ADGRL3: variants seen among roughly 807,000 people sequenced by gnomAD.
ADGRL3 encodes the protein adhesion G protein-coupled receptor L3.
Under a neutral mutation model 153.5 loss-of-function variants are expected in ADGRL3, and 62 were observed. The observed-to-expected ratio is 0.40, with a 90% CI of 0.33 to 0.50. ADGRL3 has a LOEUF of 0.50. Ranked by LOEUF, ADGRL3 falls within the 20% of genes least tolerant of loss-of-function variation. The probability of loss-of-function intolerance (pLI) is 0.47; values close to 1 mark genes in which losing one functional copy is unlikely to be tolerated. For missense variants in ADGRL3, 1,641 were observed against 1,859.4 expected (o/e 0.88, Z 2.16); for synonymous variants, 710 against 672.5 (o/e 1.06, Z -0.86).
Position 61,200,432 on chromosome 4 carries a change from T to G in ADGRL3, c.-1573T>G, listed in dbSNP as rs1734246757. ...CTGTCTGCGCGTCGCCCCCCTCGCC[T>G]GCTGGCCCGGCACCGCTCGCTCCAG... On this transcript the variant is annotated 5_prime_UTR_variant, in exon 1 of 27. Transcript: ENST00000683033. Among the ~76,000 whole-genome samples the G allele has an allele frequency of 6.6e-6, 1 of 151,812 alleles. No individual in the cohort carries two copies. Among genetic ancestry groups the G allele is most frequent in the East Asian group, 2.0e-4 (1 of 5,030 alleles).
chr4:61,205,165 G>C (rs1473141943), intron 1 of ADGRL3, among the ~76,000 whole-genome samples: 1 of 152,158 alleles, frequency 6.6e-6, no homozygotes, highest in Non-Finnish European at 1.5e-5. Context: ...GAGGATTGAA[G>C]TTAGTCAAAT....
At chr4:61,705,914 A>T (rs951098280) in intron 6 of ADGRL3, among the ~76,000 whole-genome samples, 23 of 152,196 alleles carry the variant, frequency 1.5e-4, no homozygotes, top group African/African-American at 5.1e-4. Context: ...GGGCTTTGAT[A>T]TTCCATTTAT....
In ADGRL3 at chr4:61,259,938, T is replaced by C. The variant is rs975755365; in HGVS notation, c.-240+58173T>C. On this transcript the variant is annotated intron_variant, in intron 1 of 26. Coordinates refer to ENST00000683033, the MANE Select transcript of ADGRL3 (RefSeq NM_001387552.1). ...TCAATTTAGGAAGCATTTGAATAAG[T>C]ACTTGAATCTAACACTACTAGAGGC... 7.9e-5 allele frequency among the ~76,000 whole-genome samples: 12 copies of C among 152,212 alleles called. 1 individual carries two copies. Among genetic ancestry groups the C allele is most frequent in the African/African-American group, 2.9e-4 (12 of 41,460 alleles).
chr4:61,979,737 C>G lies in ADGRL3; in HGVS notation c.2980C>G (p.Leu994Val), dbSNP rs751586286. 9.3e-6 allele frequency: 15 copies of G among 1,613,938 alleles called. No homozygotes were observed. Among genetic ancestry groups the G allele is most frequent in the Non-Finnish European group, 1.3e-5 (15 of 1,179,840 alleles). Residue 994 changes from leucine to valine, a missense_variant, in exon 18 of 27, where the codon CTC (leucine) becomes GTC (valine). Leu to Val is a conservative substitution (Grantham distance 32). Transcript: ENST00000683033. ...LCISLFVAEL[L>V]FLIGINRTDQ... ...CATCAGTCTCTTTGTAGCAGAGCTG[C>G]TCTTCCTGATTGGGATCAACCGAAC... is the stretch of plus-strand genomic sequence containing the variant.
chr4:61,762,853 C>T (rs893122012), intron 8 of ADGRL3, among the ~76,000 whole-genome samples: 1 of 152,066 alleles, frequency 6.6e-6, no homozygotes, highest in African/African-American at 2.4e-5. Context: ...ATAATGTTGT[C>T]TCATTTTCTT....
intron 6 of ADGRL3, among the ~76,000 whole-genome samples, chr4:61,728,231 T>C (rs1256274937): frequency 6.6e-6 from 1 of 152,044 alleles, no homozygotes; most frequent in Non-Finnish European, 1.5e-5. Flanking sequence ...AAGATCATAA[T>C]AATTTTCTCC....
At chr4:61,962,050 G>A (rs771080008) in intron 17 of ADGRL3, among the ~76,000 whole-genome samples, 1 of 151,736 alleles carries the variant, frequency 6.6e-6, no homozygotes, top group East Asian at 1.9e-4. Context: ...TTCAGCCTGG[G>A]CAACACAGTG....
At chr4:61,566,953 A>C (rs2098818857) in intron 4 of ADGRL3, among the ~76,000 whole-genome samples, 1 of 152,200 alleles carries the variant, frequency 6.6e-6, no homozygotes, top group African/African-American at 2.4e-5. Context: ...CTTGGACTCC[A>C]AGCTTTAAGA....
At chr4:61,211,284 C>T (rs901296619) in intron 1 of ADGRL3, among the ~76,000 whole-genome samples, 2 of 152,086 alleles carry the variant, frequency 1.3e-5, no homozygotes, top group Non-Finnish European at 2.9e-5. Flanking sequence ...AATTGGATAC[C>T]TCTAGCCTTC....
chr4:61,346,190 C>G (rs1470735939), intron 1 of ADGRL3, among the ~76,000 whole-genome samples: 1 of 151,792 alleles, frequency 6.6e-6, no homozygotes, highest in Non-Finnish European at 1.5e-5. Context: ...CATTTAAGCC[C>G]AAATGTTCTA....
intron 1 of ADGRL3, among the ~76,000 whole-genome samples, chr4:61,225,710 C>G (rs1374975689): frequency 6.6e-6 from 1 of 152,144 alleles, no homozygotes; most frequent in Non-Finnish European, 1.5e-5. Flanking sequence ...TCTGCTCTTT[C>G]AGTGATATCC....
intron 2 of ADGRL3, among the ~76,000 whole-genome samples, chr4:61,446,455 T>C (rs1471802772): frequency 6.6e-6 from 1 of 152,206 alleles, no homozygotes; most frequent in African/African-American, 2.4e-5. Flanking sequence ...TTTAAGAATG[T>C]ATGGTTCCAA....
At chr4:61,212,280 T>A (rs1740427695) in intron 1 of ADGRL3, 1 of 152,230 alleles carries the variant, frequency 6.6e-6, no homozygotes, top group South Asian at 2.1e-4. Flanking sequence ...TCCATCTGTT[T>A]GAGACATCTA....
intron 4 of ADGRL3, among the ~76,000 whole-genome samples, chr4:61,553,218 A>G (rs2098748389): frequency 6.6e-6 from 1 of 152,218 alleles, no homozygotes; most frequent in South Asian, 2.1e-4. Context: ...TGAAACAGCT[A>G]TTATTCCTGT....
At chr4:62,065,732 A>T (rs1474648491) in intron 25 of ADGRL3, among the ~76,000 whole-genome samples, 1 of 152,012 alleles carries the variant, frequency 6.6e-6, no homozygotes, top group Admixed American at 6.6e-5. Flanking sequence ...ATTAATCTGT[A>T]TGTTTTTCCT....
At chr4:61,752,087 G>A (rs563690764) in intron 8 of ADGRL3, among the ~76,000 whole-genome samples, 2 of 152,248 alleles carry the variant, frequency 1.3e-5, no homozygotes, top group South Asian at 2.1e-4. Flanking sequence ...AATATAAAAT[G>A]TTATAACCAC....
At chr4:61,379,156 A>G (rs2096638515) in intron 1 of ADGRL3, among the ~76,000 whole-genome samples, 1 of 151,994 alleles carries the variant, frequency 6.6e-6, no homozygotes, top group Admixed American at 6.6e-5. Context: ...AAGATATTTG[A>G]AAATCACCCA....
At chr4:61,503,715 A>T (rs1460477417) in intron 3 of ADGRL3, among the ~76,000 whole-genome samples, 1 of 152,068 alleles carries the variant, frequency 6.6e-6, no homozygotes, top group African/African-American at 2.4e-5. Flanking sequence ...TTTAAGTAAA[A>T]ATTTCAAATA....
At chr4:61,965,244 C>T (rs893180932) in intron 17 of ADGRL3, among the ~76,000 whole-genome samples, 49 of 152,114 alleles carry the variant, frequency 3.2e-4, no homozygotes, top group African/African-American at 1.1e-3. Flanking sequence ...AGCGATCCCC[C>T]CGCCATTTCC....
Sources: allele counts gnomAD v4.1 joint callset (sites outside exome capture counted in the v4.1 genomes callset), GRCh38; gene constraint gnomAD v4.1.1; transcripts MANE v1.5; gene names NCBI Gene and HGNC (gene_info 2026-07-23, HGNC 2026-07-21).